LOC128125818: variants seen among roughly 807,000 people sequenced by gnomAD.
chr4:6,065,809 C>T, the LOC128125818 span, among the ~76,000 whole-genome samples: 1 of 152,190 alleles, frequency 6.6e-6, no homozygotes, highest in East Asian at 1.9e-4. This position sits in a 1 kb window ranked among gnomAD's most constrained non-coding sequence, Gnocchi z 5.1. Context: ...TCTATCAATT[C>T]ATTCACTCAG....
At chr4:6,066,563 C>A in the LOC128125818 span, among the ~76,000 whole-genome samples, 1 of 152,146 alleles carries the variant, frequency 6.6e-6, no homozygotes, top group Non-Finnish European at 1.5e-5. Context: ...ACCCCCAACA[C>A]CGCACCTCCC....
chr4:6,067,282 T>G, the LOC128125818 span, among the ~76,000 whole-genome samples: 1 of 152,208 alleles, frequency 6.6e-6, no homozygotes, highest in African/African-American at 2.4e-5. The surrounding 1 kb of genome is among the most constrained non-coding windows in gnomAD (Gnocchi z 4.6). Flanking sequence ...CAAACAGATT[T>G]TGTTTTGCAC....
At chr4:6,066,475 C>T in the LOC128125818 span, among the ~76,000 whole-genome samples, 6 of 152,110 alleles carry the variant, frequency 3.9e-5, no homozygotes, top group African/African-American at 7.2e-5. Context: ...ATGGGGAATA[C>T]GACTCTCCCC....
At chr4:6,069,188 CAT>C in the LOC128125818 span, among the ~76,000 whole-genome samples, 1 of 152,104 alleles carries the variant, frequency 6.6e-6, no homozygotes, top group Admixed American at 6.5e-5. This position sits in a 1 kb window ranked among gnomAD's most constrained non-coding sequence, Gnocchi z 4.5. Context: ...GCCCAGAAAA[CAT>C]TGTTTCCTGT....
At chr4:6,065,389 A>ACG in the LOC128125818 span, among the ~76,000 whole-genome samples, 5 of 152,290 alleles carry the variant, frequency 3.3e-5, no homozygotes, top group Admixed American at 6.5e-5. The surrounding 1 kb of genome is among the most constrained non-coding windows in gnomAD (Gnocchi z 5.1). Context: ...GCAGCCCAGC[A>ACG]CTCCGTCACG....
the LOC128125818 span, among the ~76,000 whole-genome samples, chr4:6,069,015 A>G: frequency 6.6e-6 from 1 of 152,188 alleles, no homozygotes; most frequent in Non-Finnish European, 1.5e-5. This position sits in a 1 kb window ranked among gnomAD's most constrained non-coding sequence, Gnocchi z 4.5. Flanking sequence ...TTCTCAATAT[A>G]TTTGTGTCTT....
the LOC128125818 span, chr4:6,065,026 T>C: frequency 6.2e-7 from 1 of 1,614,068 alleles, no homozygotes. This position sits in a 1 kb window ranked among gnomAD's most constrained non-coding sequence, Gnocchi z 5.1. Context: ...ACGCAATTTG[T>C]ATGATGTTAG....
the LOC128125818 span, among the ~76,000 whole-genome samples, chr4:6,068,801 C>A: frequency 6.6e-6 from 1 of 152,054 alleles, no homozygotes. Context: ...AACTCTTGAC[C>A]TCAAGTGATC....
At chr4:6,070,018 G>A in the LOC128125818 span, 2 of 398,560 alleles carry the variant, frequency 5.0e-6, no homozygotes, top group African/African-American at 2.1e-5. Flanking sequence ...GGGACCGCCA[G>A]AGAACCTCAA....
chr4:6,069,167 A>T, the LOC128125818 span, among the ~76,000 whole-genome samples: 1 of 152,214 alleles, frequency 6.6e-6, no homozygotes, highest in Admixed American at 6.5e-5. The surrounding 1 kb of genome is among the most constrained non-coding windows in gnomAD (Gnocchi z 4.5). Flanking sequence ...TCAAGAGATG[A>T]GGGGAGAACC....
chr4:6,068,508 G>C, the LOC128125818 span, among the ~76,000 whole-genome samples: 1 of 151,920 alleles, frequency 6.6e-6, no homozygotes. Context: ...GAGTTGTCTG[G>C]GACCCAACCC....
chr4:6,069,752 CAAAAA>C, the LOC128125818 span, among the ~76,000 whole-genome samples: 6 of 125,068 alleles, frequency 4.8e-5, no homozygotes, highest in Non-Finnish European at 5.0e-5. The surrounding 1 kb of genome is among the most constrained non-coding windows in gnomAD (Gnocchi z 4.5). Flanking sequence ...GATCCTGTCT[CAAAAA>C]AAAAAAAAAA....
At chr4:6,067,190 A>G in the LOC128125818 span, among the ~76,000 whole-genome samples, 1 of 152,196 alleles carries the variant, frequency 6.6e-6, no homozygotes, top group South Asian at 2.1e-4. The surrounding 1 kb of genome is among the most constrained non-coding windows in gnomAD (Gnocchi z 4.6). Flanking sequence ...TGGAAGCTCC[A>G]TGAAGACAGG....
At chr4:6,066,299 CAAGG>C in the LOC128125818 span, among the ~76,000 whole-genome samples, 1 of 152,138 alleles carries the variant, frequency 6.6e-6, no homozygotes, top group Non-Finnish European at 1.5e-5. Context: ...AGACATAAGG[CAAGG>C]AAGAAGATGC....
At chr4:6,067,915 T>C in the LOC128125818 span, among the ~76,000 whole-genome samples, 1 of 152,250 alleles carries the variant, frequency 6.6e-6, no homozygotes. This position sits in a 1 kb window ranked among gnomAD's most constrained non-coding sequence, Gnocchi z 4.6. Flanking sequence ...TTATTTCTTG[T>C]AAACACTGCT....
the LOC128125818 span, chr4:6,065,059 T>A: frequency 7.5e-3 from 12,032 of 1,610,680 alleles, 65 homozygotes; most frequent in Middle Eastern, 0.012. The surrounding 1 kb of genome is among the most constrained non-coding windows in gnomAD (Gnocchi z 5.1). Flanking sequence ...ATTGCCAGAG[T>A]CTACCAGTCC....
At chr4:6,067,369 T>C in the LOC128125818 span, among the ~76,000 whole-genome samples, 4 of 152,314 alleles carry the variant, frequency 2.6e-5, no homozygotes, top group African/African-American at 9.6e-5. This position sits in a 1 kb window ranked among gnomAD's most constrained non-coding sequence, Gnocchi z 4.6. Flanking sequence ...ATGAGTCTCA[T>C]TGGCAGGTAC....
chr4:6,069,257 T>C, the LOC128125818 span, among the ~76,000 whole-genome samples: 2 of 152,208 alleles, frequency 1.3e-5, no homozygotes, highest in Non-Finnish European at 2.9e-5. This position sits in a 1 kb window ranked among gnomAD's most constrained non-coding sequence, Gnocchi z 4.5. Context: ...GAAACTTCAT[T>C]TTTTTGTGTC....
chr4:6,066,378 C>T, the LOC128125818 span, among the ~76,000 whole-genome samples: 253 of 152,296 alleles, frequency 1.7e-3, no homozygotes, highest in Middle Eastern at 3.4e-3. Context: ...CACCACCACA[C>T]GTCACCCAGA....
Sources: allele counts gnomAD v4.1 joint callset (sites outside exome capture counted in the v4.1 genomes callset), GRCh38; gene constraint gnomAD v4.1.1; non-coding constraint Gnocchi (gnomAD v3.1); transcripts MANE v1.5.